The following CDH6 variants were observed in gnomAD, a reference collection of about 807,000 sequenced individuals.
The protein encoded by CDH6 is cadherin 6, also known as cadherin-6.
In CDH6, 31 loss-of-function variants were observed where a neutral mutation model predicts 78.0. The observed-to-expected ratio is 0.40, with a 90% CI of 0.30 to 0.54. The LOEUF (loss-of-function observed/expected upper bound fraction) is 0.54, where lower values mean the gene tolerates loss of function less well. Ranked by LOEUF, CDH6 falls within the 20% of genes least tolerant of loss-of-function variation. The probability of loss-of-function intolerance (pLI) is 0.56; values close to 1 mark genes in which losing one functional copy is unlikely to be tolerated. For synonymous variants in CDH6, 376 were observed against 368.8 expected, an observed-to-expected ratio of 1.02 and a Z score of -0.23; for missense variants, 724 against 975.9, an observed-to-expected ratio of 0.74 and a Z score of 3.44.
At chr5:31,262,666 G>A (rs1397837891) in intron 1 of CDH6, among the ~76,000 whole-genome samples, 3 of 152,140 alleles carry the variant, frequency 2.0e-5, no homozygotes, top group East Asian at 1.9e-4. Context: ...CATCTACTTC[G>A]TTTTGCTTTT....
In CDH6 at chr5:31,324,009, G is replaced by A. The variant is rs57471923; in HGVS notation, c.*701G>A. On this transcript the variant is annotated 3_prime_UTR_variant, in exon 12 of 12. Coordinates refer to ENST00000265071, the MANE Select transcript of CDH6 (RefSeq NM_004932.4). ...TTGTTATATCCTAGACTAGACATGC[G>A]AAAGTTTGCCTTTGTACCATATAAA... is the stretch of plus-strand genomic sequence containing the variant. 7.0e-3 allele frequency: 1,356 copies of A among 194,152 alleles called. 25 individuals are homozygous for A. Among genetic ancestry groups the A allele is most frequent in the South Asian group, 0.057 (234 of 4,104 alleles). The allele number at this position is 194,152 out of a possible 1,614,324, so 12.0% of individuals were successfully genotyped here. A position where few individuals can be genotyped will look rare whatever the true frequency, so the allele number is the denominator to read the frequency against.
chr5:31,198,973 C>T (rs34833845), intron 1 of CDH6, among the ~76,000 whole-genome samples: 36,947 of 151,886 alleles, frequency 0.24, 4,638 homozygotes, highest in Middle Eastern at 0.28. Flanking sequence ...TCAGAATCAA[C>T]GAAAAGATTT....
At chr5:31,283,719 C>T (rs16900827) in intron 2 of CDH6, among the ~76,000 whole-genome samples, 26,487 of 151,304 alleles carry the variant, frequency 0.18, 2,642 homozygotes, top group East Asian at 0.27. Context: ...TATGGGGGGT[C>T]ATAAGAGCCA....
At chr5:31,250,551 T>C (rs1047438588) in intron 1 of CDH6, 2 of 152,758 alleles carry the variant, frequency 1.3e-5, no homozygotes, top group African/African-American at 4.8e-5. Flanking sequence ...CCAAGGAAGA[T>C]GCCAGGATGA....
At chr5:31,286,752 T>C (rs1007084532) in intron 2 of CDH6, among the ~76,000 whole-genome samples, 4 of 152,010 alleles carry the variant, frequency 2.6e-5, no homozygotes, top group African/African-American at 9.7e-5. Flanking sequence ...AAGGAAAATC[T>C]AAAGAAAGCA....
At chr5:31,225,851 C>T (rs1741137651) in intron 1 of CDH6, among the ~76,000 whole-genome samples, 1 of 152,118 alleles carries the variant, frequency 6.6e-6, no homozygotes, top group Non-Finnish European at 1.5e-5. Context: ...GTTTTCCCCA[C>T]AGAGTATTGT....
intron 1 of CDH6, among the ~76,000 whole-genome samples, chr5:31,254,846 G>C (rs1438045970): frequency 1.3e-5 from 2 of 152,118 alleles, no homozygotes; most frequent in East Asian, 3.9e-4. Flanking sequence ...ATCATTCACT[G>C]CTTTCCAATA....
chr5:31,267,602 C>T lies in CDH6; in HGVS notation c.129C>T (p.Asn43=), dbSNP rs562537452. The change falls in exon 2 of 12, where the codon AAC becomes AAT. Residue 43 remains asparagine, a synonymous_variant. Coordinates refer to ENST00000265071, the MANE Select transcript of CDH6 (RefSeq NM_004932.4). Reference sequence around the variant, plus strand: ...AAAGGGCCCTGGAGCTCTCTGGAAACAGCAAAAATGAGCTGAACCGTTCAA... The same window carrying T: ...AAAGGGCCCTGGAGCTCTCTGGAAATAGCAAAAATGAGCTGAACCGTTCAA... ...AKKRALELSG[N]SKNELNRSKR... 53 of 1,614,104 alleles carry T rather than the reference C, an allele frequency of 3.3e-5. No homozygotes were observed. In the Middle Eastern group the frequency reaches 1.2e-3, roughly 35 times the overall value.
chr5:31,274,798 G>T (rs1742646670), intron 2 of CDH6, among the ~76,000 whole-genome samples: 1 of 152,236 alleles, frequency 6.6e-6, no homozygotes, highest in Non-Finnish European at 1.5e-5. Context: ...CCCAGCCTGG[G>T]CAAGAGAATG....
chr5:31,265,043 G>T (rs1742304456), intron 1 of CDH6, among the ~76,000 whole-genome samples: 1 of 152,176 alleles, frequency 6.6e-6, no homozygotes, highest in African/African-American at 2.4e-5. Flanking sequence ...GCACCATGGG[G>T]TGCTCACAGA....
chr5:31,304,180 CAACA>C (rs1036791128), intron 6 of CDH6, among the ~76,000 whole-genome samples: 10 of 143,988 alleles, frequency 6.9e-5, no homozygotes, highest in Admixed American at 6.8e-4. Flanking sequence ...AAAACAACAA[CAACA>C]AAAAAAAAAA....
intron 1 of CDH6, among the ~76,000 whole-genome samples, chr5:31,238,987 C>G (rs1741526316): frequency 6.6e-6 from 1 of 152,152 alleles, no homozygotes; most frequent in Non-Finnish European, 1.5e-5. Flanking sequence ...CAATTTTGAC[C>G]AATGGCTAGA....
At chr5:31,259,735 G>A (rs981919893) in intron 1 of CDH6, among the ~76,000 whole-genome samples, 2 of 152,168 alleles carry the variant, frequency 1.3e-5, no homozygotes, top group Admixed American at 6.5e-5. Flanking sequence ...TAAATCTTTT[G>A]GGAAAAGACA....
At chr5:31,238,054 T>G (rs770526253) in intron 1 of CDH6, among the ~76,000 whole-genome samples, 3 of 152,228 alleles carry the variant, frequency 2.0e-5, no homozygotes, top group Non-Finnish European at 2.9e-5. Context: ...AATGAAAACT[T>G]GAAGGAAGAA....
intron 6 of CDH6, among the ~76,000 whole-genome samples, chr5:31,304,911 A>C (rs1737936137): frequency 6.6e-6 from 1 of 152,146 alleles, no homozygotes; most frequent in Non-Finnish European, 1.5e-5. Context: ...GCATGGTCTC[A>C]GCCCATACAT....
chr5:31,198,241 G>C (rs1479361037), intron 1 of CDH6, among the ~76,000 whole-genome samples: 1 of 152,132 alleles, frequency 6.6e-6, no homozygotes, highest in Non-Finnish European at 1.5e-5. Context: ...CATATGCAGA[G>C]ACTATTAAAG....
chr5:31,296,709 T>A (rs1298000594), intron 3 of CDH6, among the ~76,000 whole-genome samples: 1 of 152,158 alleles, frequency 6.6e-6, no homozygotes, highest in African/African-American at 2.4e-5. Flanking sequence ...TCACATTACT[T>A]AAGTCCAAAA....
At chr5:31,299,702 T>C (rs1303097543) in intron 5 of CDH6, 71 bp downstream of exon 5, 25 of 1,340,146 alleles carry the variant, frequency 1.9e-5, no homozygotes, top group Non-Finnish European at 2.6e-5. Context: ...AATTTTTATT[T>C]TCCATTGTCA....
intron 1 of CDH6, among the ~76,000 whole-genome samples, chr5:31,255,677 C>T (rs1455541741): frequency 1.3e-5 from 2 of 152,150 alleles, no homozygotes; most frequent in African/African-American, 4.8e-5. Flanking sequence ...CTTCACAAGC[C>T]CCCTTCTGTC....
Sources: allele counts gnomAD v4.1 joint callset (sites outside exome capture counted in the v4.1 genomes callset), GRCh38; gene constraint gnomAD v4.1.1; transcripts MANE v1.5; gene names NCBI Gene and HGNC (gene_info 2026-07-23, HGNC 2026-07-21).